Variants in WDR7 observed in about 807,000 individuals in gnomAD.
WDR7 encodes WD repeat-containing protein 7.
In WDR7, 46 loss-of-function variants were observed where a neutral mutation model predicts 169.4. The observed-to-expected ratio is 0.27, with a 90% CI of 0.21 to 0.35. The LOEUF (loss-of-function observed/expected upper bound fraction) is 0.35, where lower values mean the gene tolerates loss of function less well. Among genes scored for constraint, WDR7 ranks in the 10% least tolerant of loss-of-function variants. The pLI, the probability that WDR7 is intolerant of heterozygous loss-of-function variation, is 1.00. For missense variants in WDR7, 1,534 were observed against 1,859.3 expected (o/e 0.83, Z 3.22); for synonymous variants, 612 against 666.8 (o/e 0.92, Z 1.27).
At chr18:56,940,178 A>G (rs942291001) in intron 25 of WDR7, among the ~76,000 whole-genome samples, 8 of 152,134 alleles carry the variant, frequency 5.3e-5, no homozygotes, top group African/African-American at 1.9e-4. Flanking sequence ...AGTTATTCAT[A>G]GTTATATAAC....
chr18:56,891,991 T>C (rs2046270313), intron 21 of WDR7, among the ~76,000 whole-genome samples: 1 of 152,134 alleles, frequency 6.6e-6, no homozygotes, highest in South Asian at 2.1e-4. Context: ...TAATATATGT[T>C]GTATAACAGC....
chr18:56,744,238 C>CA (rs2043666892), intron 14 of WDR7, among the ~76,000 whole-genome samples: 1 of 59,154 alleles, frequency 1.7e-5, no homozygotes, highest in Non-Finnish European at 3.1e-5. Flanking sequence ...GACTCCGTCT[C>CA]AAAAAAGAAA....
At chr18:56,986,128 T>TTGTGTGTGTG (rs60449836) in intron 26 of WDR7, among the ~76,000 whole-genome samples, 25 of 136,348 alleles carry the variant, frequency 1.8e-4, no homozygotes, top group African/African-American at 4.4e-4. Flanking sequence ...TTCAGCTTCT[T>TTGTGTGTGTG]TGTGTGTGTG....
At chr18:56,778,587 T>C (rs957146565) in intron 17 of WDR7, among the ~76,000 whole-genome samples, 1 of 152,214 alleles carries the variant, frequency 6.6e-6, no homozygotes, top group Non-Finnish European at 1.5e-5. Flanking sequence ...ACTTCAGTTA[T>C]TGTGTATCTA....
At position 56,974,362 on chromosome 18, in the gene WDR7, C is replaced by CCTTT. The variant is rs754053234; in HGVS notation, c.4164+11833_4164+11834insCTTT. On this transcript the variant is annotated intron_variant, in intron 26 of 27. Transcript: ENST00000254442. ...CCTTTTCCTTTCTTTGCTTTTCTTG[C>CCTTT]TTTTTTTTTTTTTTTTTTTGAGATG... is the stretch of plus-strand genomic sequence containing the variant. Among the ~76,000 whole-genome samples the CCTTT allele has an allele frequency of 7.2e-5, 8 of 111,816 alleles. 1 individual carries two copies. The highest frequency in any genetic ancestry group is 1.8e-4 in the Admixed American group (2 of 11,038). 73.4% of individuals were successfully genotyped at this position (111,816 alleles called of 152,430 possible). A position where few individuals can be genotyped will look rare whatever the true frequency, so the allele number is the denominator to read the frequency against.
chr18:56,823,526 C>T (rs1198576419), intron 20 of WDR7, among the ~76,000 whole-genome samples: 1 of 152,148 alleles, frequency 6.6e-6, no homozygotes. Flanking sequence ...GCGGAGGTTG[C>T]AGTGAGCTGA....
rs2025346317 is a variant in WDR7 at position 56,681,306 on chromosome 18, T to G, written c.267-7T>G. 6.3e-7 allele frequency: 1 copy of G among 1,580,332 alleles called. No homozygotes were observed. Among genetic ancestry groups the G allele is most frequent in the African/African-American group, 1.4e-5 (1 of 72,882 alleles). Reference sequence around the variant, plus strand: ...CACTCAAAGCTGACCATTATTTTGTTTTATAGAGAGATGTGCCTCTGGGAT... The same window carrying G: ...CACTCAAAGCTGACCATTATTTTGTGTTATAGAGAGATGTGCCTCTGGGAT... On this transcript the variant is annotated splice_region_variant and splice_polypyrimidine_tract_variant and intron_variant, in intron 3 of 27. Coordinates refer to ENST00000254442, the MANE Select transcript of WDR7 (RefSeq NM_015285.3).
intron 26 of WDR7, among the ~76,000 whole-genome samples, chr18:57,015,769 C>T (rs182176280): frequency 6.6e-4 from 101 of 152,262 alleles, no homozygotes; most frequent in African/African-American, 1.5e-3. Flanking sequence ...TTGGCGTTGC[C>T]GGGTATCATT....
At chr18:56,670,814 G>A (rs534050564) in intron 1 of WDR7, among the ~76,000 whole-genome samples, 39 of 152,118 alleles carry the variant, frequency 2.6e-4, no homozygotes, top group Admixed American at 4.6e-4. Flanking sequence ...CCTGGCCATC[G>A]CCTCATTTTG....
At position 56,758,870 on chromosome 18, in the gene WDR7, C is replaced by T; in HGVS notation, c.2765C>T (p.Pro922Leu). ...TTTTTTTCTTCTTTTTTAAGGCCACCTAGACCAAGCACCCCAGACCTTTCT... is the reference window on the plus strand; with the variant it reads ...TTTTTTTCTTCTTTTTTAAGGCCACTTAGACCAAGCACCCCAGACCTTTCT... ...DHMKKGPTRP[P>L]RPSTPDLSKA... The change falls in exon 16 of 28, where the codon CCT becomes CTT. Residue 922 changes from proline to leucine, a missense_variant. Coordinates refer to ENST00000254442, the MANE Select transcript of WDR7 (RefSeq NM_015285.3). 1.2e-6 allele frequency: 2 copies of T among 1,611,054 alleles called. No individual in the cohort carries two copies. Among genetic ancestry groups the T allele is most frequent in the Non-Finnish European group, 1.7e-6 (2 of 1,178,598 alleles).
intron 16 of WDR7, among the ~76,000 whole-genome samples, chr18:56,766,581 T>C (rs2044071284): frequency 6.6e-6 from 1 of 152,100 alleles, no homozygotes; most frequent in African/African-American, 2.4e-5. Flanking sequence ...ATAGAGACAG[T>C]GTCTCGCTAT....
intron 19 of WDR7, among the ~76,000 whole-genome samples, chr18:56,794,302 C>CTTTTTTTTTTTTTT (rs1217568621): frequency 5.1e-3 from 149 of 29,378 alleles, no homozygotes; most frequent in Non-Finnish European, 9.2e-3. Flanking sequence ...AAGGTAAAGT[C>CTTTTTTTTTTTTTT]TATTTTTTTT....
chr18:56,856,092 G>A (rs1315535755), intron 20 of WDR7, among the ~76,000 whole-genome samples: 1 of 152,178 alleles, frequency 6.6e-6, no homozygotes, highest in Non-Finnish European at 1.5e-5. Flanking sequence ...GGAAACTAGA[G>A]GAGAGGTGAA....
At chr18:56,656,572 G>A (rs774338329) in intron 1 of WDR7, among the ~76,000 whole-genome samples, 2 of 116,302 alleles carry the variant, frequency 1.7e-5, no homozygotes, top group South Asian at 3.4e-4. Context: ...GAGCCACTGC[G>A]CCCGGCCACT....
intron 19 of WDR7, among the ~76,000 whole-genome samples, chr18:56,812,531 T>C (rs1168986707): frequency 6.6e-6 from 1 of 152,164 alleles, no homozygotes; most frequent in Admixed American, 6.5e-5. Context: ...TGTCCCAGGA[T>C]AGGCCATCTG....
chr18:56,883,937 A>G (rs187573688), intron 21 of WDR7, among the ~76,000 whole-genome samples: 4 of 152,240 alleles, frequency 2.6e-5, no homozygotes, highest in East Asian at 1.9e-4. Flanking sequence ...GGCTGATTCC[A>G]TATTTTTGCA....
At chr18:56,807,830 G>T (rs757385699) in intron 19 of WDR7, among the ~76,000 whole-genome samples, 1 of 152,044 alleles carries the variant, frequency 6.6e-6, no homozygotes, top group Non-Finnish European at 1.5e-5. Context: ...TTACTTTGTG[G>T]ACTTTAATAA....
intron 25 of WDR7, among the ~76,000 whole-genome samples, chr18:56,954,979 C>T (rs1042921287): frequency 2.6e-5 from 4 of 152,006 alleles, no homozygotes; most frequent in African/African-American, 7.2e-5. Flanking sequence ...CTCTGTTCAC[C>T]TAAATGGGCA....
At chr18:56,836,960 C>T (rs1026684566) in intron 20 of WDR7, among the ~76,000 whole-genome samples, 2 of 152,160 alleles carry the variant, frequency 1.3e-5, no homozygotes, top group Non-Finnish European at 2.9e-5. Context: ...AAGATGACTT[C>T]TCAGAGCTGT....
Sources: gnomAD v4.1 joint callset for allele counts (sites outside exome capture counted in the v4.1 genomes callset) on GRCh38, gnomAD v4.1.1 for gene constraint, MANE v1.5 for transcripts, NCBI Gene and HGNC (gene_info 2026-07-23, HGNC 2026-07-21) for gene names.